Variants in DNAJC27 observed in about 807,000 individuals in gnomAD.
The protein encoded by DNAJC27 is dnaJ homolog subfamily C member 27.
DNAJC27 carries 25 observed loss-of-function variants against 31.4 expected under a neutral mutation model. The ratio of observed to expected loss-of-function variants is 0.80; its 90% CI spans 0.58 to 1.11. DNAJC27 has a LOEUF of 1.11. DNAJC27 is among the 50% of genes most tolerant of loss of function. The probability of loss-of-function intolerance (pLI) is 0.00; values close to 1 mark genes in which losing one functional copy is unlikely to be tolerated. For synonymous variants in DNAJC27, 106 were observed against 112.7 expected, an observed-to-expected ratio of 0.94 and a Z score of 0.37; for missense variants, 356 against 347.3, an observed-to-expected ratio of 1.02 and a Z score of -0.20.
In DNAJC27 at chr2:24,951,777, A is replaced by C. The variant is rs78261246; in HGVS notation, c.529-223T>G. Among the ~76,000 whole-genome samples the C allele has an allele frequency of 4.9e-3, 740 of 152,288 alleles. 5 individuals carry two copies. The highest frequency in any genetic ancestry group is 0.016 in the African/African-American group (682 of 41,554). ...TATAAGGAATAAAATTAAAGTGGCT[A>C]ATAATCCTACTTTCAGATAACCACA... is the stretch of plus-strand genomic sequence containing the variant. On this transcript the variant is annotated intron_variant, in intron 5 of 6. Transcript: ENST00000264711.
At position 24,967,303 on chromosome 2, in the gene DNAJC27, T is replaced by TA. The variant is rs1448238279; in HGVS notation, c.88-11dup. 11 of 1,583,364 alleles carry TA rather than the reference T, an allele frequency of 6.9e-6. No homozygotes were observed. In the African/African-American group the frequency reaches 1.2e-4, roughly 18 times the overall value. Reference sequence around the variant, plus strand: ...GCTTTATAATACAGCTCTAAAAAGGTAAAAAATACAGGCATTTAGTAAATA... The same window carrying TA: ...GCTTTATAATACAGCTCTAAAAAGGTAAAAAAATACAGGCATTTAGTAAATA... On this transcript the variant is annotated splice_polypyrimidine_tract_variant and intron_variant, in intron 1 of 6. Transcript: ENST00000264711.
intron 1 of DNAJC27, among the ~76,000 whole-genome samples, chr2:24,968,140 C>T (rs1666236873): frequency 6.6e-6 from 1 of 152,136 alleles, no homozygotes; most frequent in Non-Finnish European, 1.5e-5. Flanking sequence ...GAGTATTGTA[C>T]ATACTTCTAG....
intron 2 of DNAJC27, among the ~76,000 whole-genome samples, chr2:24,965,080 C>T (rs1666146468): frequency 6.6e-6 from 1 of 151,664 alleles, no homozygotes; most frequent in South Asian, 2.1e-4. Context: ...GTGACATGTG[C>T]CTGTAATCCC....
intron 2 of DNAJC27, among the ~76,000 whole-genome samples, chr2:24,964,205 G>A (rs1237070059): frequency 6.6e-6 from 1 of 151,980 alleles, no homozygotes; most frequent in Non-Finnish European, 1.5e-5. Context: ...CGGATCATGA[G>A]GTCAGGAGAT....
In DNAJC27 at chr2:24,967,129, G is replaced by C. The variant is rs1666204488; in HGVS notation, c.170+82C>G. 1.2e-5 allele frequency: 12 copies of C among 1,033,558 alleles called. No individual in the cohort carries two copies. The South Asian group carries it at 1.6e-4, about 14-fold the overall frequency. 64.0% of individuals were successfully genotyped at this position (1,033,558 alleles called of 1,614,324 possible). On this transcript the variant is annotated intron_variant, in intron 2 of 6. Coordinates refer to ENST00000264711, the MANE Select transcript of DNAJC27 (RefSeq NM_016544.3). ...CTCCATTTCAAGATTACCTACACAA[G>C]AGCACTGATGCAAATATGGATCATT...
intron 2 of DNAJC27, among the ~76,000 whole-genome samples, chr2:24,963,763 C>T (rs550281862): frequency 8.5e-5 from 13 of 152,140 alleles, no homozygotes; most frequent in Non-Finnish European, 1.9e-4. Flanking sequence ...CAAAGGGTAG[C>T]TATTACTATG....
chr2:24,957,838 T>C lies in DNAJC27; in HGVS notation c.377A>G (p.Asn126Ser). 1 of 1,614,180 alleles carries C rather than the reference T, an allele frequency of 6.2e-7. No individual in the cohort carries two copies. The highest frequency in any genetic ancestry group is 8.5e-7 in the Non-Finnish European group (1 of 1,180,004). Residue 126 changes from asparagine to serine, a missense_variant, in exon 4 of 7, where the codon AAT (asparagine) becomes AGT (serine). Asn to Ser is a conservative substitution (Grantham distance 46, BLOSUM62 1). Coordinates refer to ENST00000264711, the MANE Select transcript of DNAJC27 (RefSeq NM_016544.3). ...QELGPHGNME[N>S]IIFVVCANKI... ...GTTGGCACAAACTACAAATATAATATTTTCCATGTTTCCATGAGGTCCAAG... is the reference window on the plus strand; with the variant it reads ...GTTGGCACAAACTACAAATATAATACTTTCCATGTTTCCATGAGGTCCAAG...
Position 24,955,590 on chromosome 2 carries a change from A to G in DNAJC27, c.528+1453T>C, listed in dbSNP as rs548494372. Among the ~76,000 whole-genome samples the G allele has an allele frequency of 2.6e-5, 4 of 152,358 alleles. No individual in the cohort carries two copies. In the South Asian group the frequency reaches 6.2e-4, roughly 24 times the overall value. ...CTTAGAAACTCAGTAAATCCTAAAT[A>G]GAATAAAAATGAAGAGAATCACATC... is the stretch of plus-strand genomic sequence containing the variant. On this transcript the variant is annotated intron_variant, in intron 5 of 6. Coordinates refer to ENST00000264711, the MANE Select transcript of DNAJC27 (RefSeq NM_016544.3).
chr2:24,953,408 A>T (rs754537), intron 5 of DNAJC27: 64,333 of 153,334 alleles, frequency 0.42, 16,336 homozygotes, highest in Middle Eastern at 0.61. Flanking sequence ...AGTCTGTCTT[A>T]ATATTGCTCT....
At position 24,946,649 on chromosome 2, in the gene DNAJC27, A is replaced by T. The variant is rs1421173967; in HGVS notation, c.*967T>A. On this transcript the variant is annotated 3_prime_UTR_variant, in exon 7 of 7. Transcript: ENST00000264711. ...TGGCCTTTCCTCTGCTGATGTGCAT[A>T]ATCTTTAAGTGCGACCTCTAAGTAC... The T allele has an allele frequency of 2.6e-5, 4 of 151,996 alleles. No homozygotes were observed. Among genetic ancestry groups the T allele is most frequent in the African/African-American group, 9.7e-5 (4 of 41,444 alleles). The allele number at this position is 151,996 out of a possible 1,614,324, so 9.4% of individuals were successfully genotyped here.
intron 6 of DNAJC27, among the ~76,000 whole-genome samples, chr2:24,950,756 A>T (rs1247403150): frequency 6.6e-6 from 1 of 152,094 alleles, no homozygotes; most frequent in Admixed American, 6.5e-5. Flanking sequence ...CTGAGGCAGG[A>T]GTATTGCTTG....
At chr2:24,954,793 C>T (rs562083410) in intron 5 of DNAJC27, among the ~76,000 whole-genome samples, 321 of 152,148 alleles carry the variant, frequency 2.1e-3, no homozygotes, top group Non-Finnish European at 3.5e-3. Context: ...AAAAATTAGC[C>T]GGGCATGGTG....
intron 6 of DNAJC27, 83 bp from the exon 7 acceptor site, chr2:24,947,831 C>A: frequency 6.9e-7 from 1 of 1,454,328 alleles, no homozygotes. Context: ...CACATAGTAT[C>A]TCTTACAGTG....
intron 2 of DNAJC27, among the ~76,000 whole-genome samples, chr2:24,966,015 A>G (rs1302317328): frequency 3.9e-5 from 6 of 152,202 alleles, no homozygotes. Flanking sequence ...AAATAATAAC[A>G]ATACAAGGCA....
chr2:24,959,086 G>T (rs1484991954), intron 3 of DNAJC27, among the ~76,000 whole-genome samples: 4 of 152,236 alleles, frequency 2.6e-5, no homozygotes, highest in African/African-American at 9.6e-5. Flanking sequence ...AAATCAGAAA[G>T]AACTGAAGAT....
At chr2:24,965,231 G>GA (rs1318806317) in intron 2 of DNAJC27, among the ~76,000 whole-genome samples, 20 of 144,314 alleles carry the variant, frequency 1.4e-4, no homozygotes, top group African/African-American at 3.3e-4. Flanking sequence ...TCAGGGAAAA[G>GA]AAAAAAAAAA....
chr2:24,957,015 A>T, intron 5 of DNAJC27, 28 bp downstream of exon 5: 1 of 1,592,906 alleles, frequency 6.3e-7, no homozygotes. Context: ...CTTGACACAA[A>T]CCTTAAAACA....
intron 1 of DNAJC27, among the ~76,000 whole-genome samples, chr2:24,968,015 G>A (rs1337977017): frequency 6.7e-6 from 1 of 148,576 alleles, no homozygotes; most frequent in East Asian, 2.0e-4. Context: ...TGATGCCACT[G>A]CACTCCAGCC....
intron 3 of DNAJC27, among the ~76,000 whole-genome samples, chr2:24,958,926 C>T (rs763759827): frequency 1.2e-4 from 18 of 152,138 alleles, no homozygotes; most frequent in Non-Finnish European, 2.2e-4. Context: ...TGTACTCAGA[C>T]CCACACAAGC....
Sources: allele counts gnomAD v4.1 joint callset (sites outside exome capture counted in the v4.1 genomes callset), GRCh38; gene constraint gnomAD v4.1.1; transcripts MANE v1.5; gene names NCBI Gene and HGNC (gene_info 2026-07-23, HGNC 2026-07-21).